The following FXR1 variants were observed in gnomAD, a reference collection of about 807,000 sequenced individuals.
FXR1 encodes RNA-binding protein FXR1.
Under a neutral mutation model 84.0 loss-of-function variants are expected in FXR1, and 15 were observed. That is an observed-to-expected ratio of 0.18 (90% CI 0.12 to 0.27). The LOEUF (loss-of-function observed/expected upper bound fraction) is 0.27, where lower values mean the gene tolerates loss of function less well. FXR1 is among the 10% of genes least tolerant of loss of function. FXR1 has a pLI of 1.00. For missense variants in FXR1, 480 were observed against 774.4 expected (o/e 0.62, Z 4.51); for synonymous variants, 245 against 250.7 (o/e 0.98, Z 0.21).
At chr3:180,958,532 C>G (rs1052658428) in intron 10 of FXR1, among the ~76,000 whole-genome samples, 8 of 152,142 alleles carry the variant, frequency 5.3e-5, no homozygotes, top group African/African-American at 1.7e-4. Context: ...GAATAATGGC[C>G]TCCATCCAAG....
In FXR1 at chr3:180,912,715, C is replaced by T. The variant is rs1717358953; in HGVS notation, c.30C>T (p.Gly10=). The change falls in exon 1 of 17, where the codon GGC becomes GGT. Residue 10 remains glycine, a synonymous_variant. Transcript: ENST00000357559. MAELTVEVR[G]SNGAFYKGFI... ...CGGAGCTGACGGTGGAGGTTCGCGGCTCTAACGGGGCTTTCTACAAGGTAC... is the reference window on the plus strand; with the variant it reads ...CGGAGCTGACGGTGGAGGTTCGCGGTTCTAACGGGGCTTTCTACAAGGTAC... 6 of 1,613,814 alleles carry T rather than the reference C, an allele frequency of 3.7e-6. No homozygotes were observed. In the South Asian group the frequency reaches 4.4e-5, roughly 12 times the overall value.
In FXR1 at chr3:180,926,506, A is replaced by ATTTTTTT. The variant is rs57540765; in HGVS notation, c.52-6825_52-6819dup. On this transcript the variant is annotated intron_variant, in intron 1 of 16. Transcript: ENST00000357559. ...TATATATATATATATATATATATAT[A>ATTTTTTT]TTTTTTTTTCTGGCCTTTTGTTGGC... Among the ~76,000 whole-genome samples, 244 of 124,354 alleles carry ATTTTTTT rather than the reference A, an allele frequency of 2.0e-3. 1 individual carries two copies. The highest frequency in any genetic ancestry group is 4.2e-3 in the Middle Eastern group (1 of 240). 81.6% of individuals were successfully genotyped at this position (124,354 alleles called of 152,430 possible). A position where few individuals can be genotyped will look rare whatever the true frequency, so the allele number is the denominator to read the frequency against.
chr3:180,959,350 GTT>G (rs11336001), intron 10 of FXR1, among the ~76,000 whole-genome samples: 1 of 144,112 alleles, frequency 6.9e-6, no homozygotes, highest in African/African-American at 2.5e-5. Flanking sequence ...AATGTTTAGT[GTT>G]TTTTTTTTTC....
At chr3:180,940,514 CAT>C (rs1553772144) in intron 3 of FXR1, among the ~76,000 whole-genome samples, 1 of 152,012 alleles carries the variant, frequency 6.6e-6, no homozygotes, top group Non-Finnish European at 1.5e-5. Flanking sequence ...AAGCAACACA[CAT>C]AGACACGTTA....
intron 7 of FXR1, among the ~76,000 whole-genome samples, chr3:180,950,172 CT>C (rs1240514365): frequency 1.3e-5 from 2 of 152,178 alleles, no homozygotes; most frequent in African/African-American, 4.8e-5. Flanking sequence ...CTCACTCACA[CT>C]TTCTAGATCT....
intron 4 of FXR1, 200 bp downstream of exon 4, chr3:180,948,136 C>T: frequency 1.6e-6 from 1 of 610,630 alleles, no homozygotes. Context: ...AGAGGTACAC[C>T]TCAAGCATGT....
rs1470238446 is a variant in FXR1, at chr3:180,970,301, G to A, written c.1546G>A (p.Val516Ile). Residue 516 changes from valine (V) to isoleucine (I), a missense_variant, in exon 15 of 17, where the codon GTT becomes ATT. Val to Ile is a conservative substitution (Grantham distance 29). Coordinates refer to ENST00000357559, the MANE Select transcript of FXR1 (RefSeq NM_005087.4). ...SRRRRTDEDA[V>I]LMDGMTESDT... ...TAGACGAAGGACTGATGAAGATGCT[G>A]TTCTGATGGATGGAATGACTGAATC... 6 of 1,605,148 alleles carry A rather than the reference G, an allele frequency of 3.7e-6. No homozygotes were observed. Among genetic ancestry groups the A allele is most frequent in the Non-Finnish European group, 5.1e-6 (6 of 1,174,604 alleles).
intron 3 of FXR1, among the ~76,000 whole-genome samples, chr3:180,936,510 C>T (rs561062892): frequency 7.4e-4 from 113 of 151,790 alleles, no homozygotes; most frequent in African/African-American, 2.4e-3. Flanking sequence ...TCAGGTGATC[C>T]GCCCACCTTG....
At chr3:180,961,728 A>C (rs191852923) in intron 11 of FXR1, among the ~76,000 whole-genome samples, 174 bp downstream of exon 11, 85 of 152,348 alleles carry the variant, frequency 5.6e-4, no homozygotes, top group Middle Eastern at 3.4e-3. Context: ...ATTGTTCTAC[A>C]TGAGAATTTA....
At position 180,979,973 on chromosome 3, in the gene FXR1, T is replaced by G. The variant is rs1339980287; in HGVS notation, c.*3681T>G. 1.3e-5 allele frequency: 2 copies of G among 152,138 alleles called. No homozygotes were observed. Among genetic ancestry groups the G allele is most frequent in the African/African-American group, 4.8e-5 (2 of 41,448 alleles). The allele number at this position is 152,138 out of a possible 1,614,324, so 9.4% of individuals were successfully genotyped here. A position where few individuals can be genotyped will look rare whatever the true frequency, so the allele number is the denominator to read the frequency against. Reference sequence around the variant, plus strand: ...GATTTCCCACAGTCCATTTGCTTATTTCTTCCTTTGATAATTCAAAAAGAT... The same window carrying G: ...GATTTCCCACAGTCCATTTGCTTATGTCTTCCTTTGATAATTCAAAAAGAT... On this transcript the variant is annotated 3_prime_UTR_variant, in exon 17 of 17. Coordinates refer to ENST00000357559, the MANE Select transcript of FXR1 (RefSeq NM_005087.4).
intron 13 of FXR1, among the ~76,000 whole-genome samples, chr3:180,965,091 A>C (rs1231998300): frequency 6.6e-6 from 1 of 151,842 alleles, no homozygotes; most frequent in Non-Finnish European, 1.5e-5. Flanking sequence ...ATCTCGGCTC[A>C]CCGCAACCTC....
chr3:180,961,493 G>A lies in FXR1; in HGVS notation c.1016G>A (p.Gly339Asp). The part of the protein sequence containing the change: ...EDGMVPFVFV[G>D]TKESIGNVQV... ...GGTATGGTTCCATTTGTATTTGTTG[G>A]CACTAAAGAAAGCATTGGAAATGTG... is the stretch of plus-strand genomic sequence containing the variant. The change falls in exon 11 of 17, where the codon GGC becomes GAC. Residue 339 changes from glycine (G) to aspartate (D), a missense_variant. Gly to Asp is a moderately conservative substitution (Grantham distance 94). This residue lies in a region of FXR1 where 33 missense variants were observed against 42.4 expected (regional missense o/e 0.78). Coordinates refer to ENST00000357559, the MANE Select transcript of FXR1 (RefSeq NM_005087.4). 1 of 1,560,490 alleles carries A rather than the reference G, an allele frequency of 6.4e-7. No homozygotes were observed. Among genetic ancestry groups the A allele is most frequent in the Non-Finnish European group, 8.8e-7 (1 of 1,133,322 alleles).
intron 8 of FXR1, among the ~76,000 whole-genome samples, chr3:180,952,069 C>G (rs751052756): frequency 1.4e-4 from 21 of 152,048 alleles, no homozygotes; most frequent in South Asian, 6.2e-4. Context: ...ACACATGCAT[C>G]TTATCTATAT....
chr3:180,980,500 T>C lies in FXR1; in HGVS notation c.*4208T>C, dbSNP rs1430643619. The C allele has an allele frequency of 6.6e-6, 1 of 152,036 alleles. No individual in the cohort carries two copies. 9.4% of individuals were successfully genotyped at this position (152,036 alleles called of 1,614,324 possible). ...CATTTTCATTAAAAATATTTTCCAATAGTTTTTCTAGATAAACAATTTATA... is the reference window on the plus strand; with the variant it reads ...CATTTTCATTAAAAATATTTTCCAACAGTTTTTCTAGATAAACAATTTATA... On this transcript the variant is annotated 3_prime_UTR_variant, in exon 17 of 17. Coordinates refer to ENST00000357559, the MANE Select transcript of FXR1 (RefSeq NM_005087.4).
At chr3:180,932,654 C>T (rs1720072991) in intron 1 of FXR1, among the ~76,000 whole-genome samples, 1 of 152,104 alleles carries the variant, frequency 6.6e-6, no homozygotes. Context: ...TGTATTCATT[C>T]CAACATAATC....
Position 180,963,101 on chromosome 3 carries a change from A to AAT in FXR1, c.1198+11_1198+12insAT, listed in dbSNP as rs768727802. ...ACACCTCCGGTTATGGTAAAAAAAAATTTTTTTTTTTTTTTTTTGGTAATA... is the reference window on the plus strand; with the variant it reads ...ACACCTCCGGTTATGGTAAAAAAAAAATTTTTTTTTTTTTTTTTTTGGTAATA... On this transcript the variant is annotated intron_variant, in intron 13 of 16. Transcript: ENST00000357559. The AAT allele has an allele frequency of 2.0e-5, 17 of 867,306 alleles. No individual in the cohort carries two copies. The South Asian group carries it at 2.2e-4, about 11-fold the overall frequency. 53.7% of individuals were successfully genotyped at this position (867,306 alleles called of 1,614,324 possible).
In FXR1 at chr3:180,959,405, A is replaced by G. The variant is rs1711800723; in HGVS notation, c.990+1477A>G. On this transcript the variant is annotated intron_variant, in intron 10 of 16. Transcript: ENST00000357559. ...CTTAGAACAGAAACTATTCTTATAC[A>G]TTAGCAGAAGATTCTGGCAGTTAAC... Among the ~76,000 whole-genome samples the G allele has an allele frequency of 4.6e-5, 7 of 151,962 alleles. No homozygotes were observed. In the South Asian group the frequency reaches 1.5e-3, roughly 32 times the overall value.
At chr3:180,939,194 A>G (rs1040564361) in intron 3 of FXR1, among the ~76,000 whole-genome samples, 1 of 152,048 alleles carries the variant, frequency 6.6e-6, no homozygotes, top group Admixed American at 6.6e-5. Context: ...GCGCAGGCTT[A>G]CTTTTACATT....
At chr3:180,930,707 A>G (rs1165793614) in intron 1 of FXR1, among the ~76,000 whole-genome samples, 1 of 152,144 alleles carries the variant, frequency 6.6e-6, no homozygotes, top group East Asian at 1.9e-4. Flanking sequence ...TTTGCTGGTA[A>G]CATAACTGAA....
Sources: gnomAD v4.1 joint callset for allele counts (sites outside exome capture counted in the v4.1 genomes callset) on GRCh38, gnomAD v4.1.1 for gene constraint, gnomAD v4.1.1 regional missense constraint, MANE v1.5 for transcripts, NCBI Gene and HGNC (gene_info 2026-07-23, HGNC 2026-07-21) for gene names.